Variants in AMZ1 observed in about 807,000 individuals in gnomAD.
AMZ1 encodes the protein archaelysin family metallopeptidase 1.
In AMZ1, 39 loss-of-function variants were observed where a neutral mutation model predicts 29.9. The observed-to-expected ratio is 1.30, with a 90% CI of 1.01 to 1.70. The LOEUF is 1.70. Among genes scored for constraint, AMZ1 ranks in the 40% most tolerant of loss-of-function variants. The probability of loss-of-function intolerance (pLI) is 0.00; values close to 1 mark genes in which losing one functional copy is unlikely to be tolerated. For synonymous variants in AMZ1, 458 were observed against 304.0 expected (o/e 1.51, Z -5.27); for missense variants, 1,041 against 680.6 (o/e 1.53, Z -5.89).
At chr7:2,738,283 TAA>T (rs34320599) in intron 4 of AMZ1, among the ~76,000 whole-genome samples, 78 of 142,810 alleles carry the variant, frequency 5.5e-4, no homozygotes, top group Middle Eastern at 3.5e-3. Flanking sequence ...AGGCTCCATC[TAA>T]AAAAAAAAAA....
chr7:2,742,646 C>G (rs1790567526), intron 4 of AMZ1, among the ~76,000 whole-genome samples: 1 of 152,184 alleles, frequency 6.6e-6, no homozygotes. Flanking sequence ...TCAATGTCTA[C>G]CCTCCCTGTC....
chr7:2,701,197 T>C (rs113588425), intron 2 of AMZ1, among the ~76,000 whole-genome samples: 4,635 of 152,008 alleles, frequency 0.03, 245 homozygotes, highest in African/African-American at 0.11. Flanking sequence ...TGCCACTGCA[T>C]TCCAGCCTGG....
chr7:2,744,169 G>C (rs1373927375), intron 4 of AMZ1, among the ~76,000 whole-genome samples: 4 of 152,222 alleles, frequency 2.6e-5, no homozygotes, highest in East Asian at 1.9e-4. Context: ...TTTGAAGAGA[G>C]TAGTGGTTCT....
At chr7:2,738,141 G>A (rs1790302200) in intron 4 of AMZ1, among the ~76,000 whole-genome samples, 1 of 152,142 alleles carries the variant, frequency 6.6e-6, no homozygotes, top group Non-Finnish European at 1.5e-5. Flanking sequence ...TAGGTAAGAG[G>A]ACCAGGCGTG....
chr7:2,727,826 G>A (rs1375428088), intron 4 of AMZ1, among the ~76,000 whole-genome samples: 1 of 151,772 alleles, frequency 6.6e-6, no homozygotes, highest in African/African-American at 2.4e-5. Flanking sequence ...GGGAGGCTGA[G>A]GTGGGCCGAT....
chr7:2,763,901 C>G (rs748284081), upstream of AMZ1, among the ~76,000 whole-genome samples: 2 of 152,228 alleles, frequency 1.3e-5, no homozygotes, highest in African/African-American at 2.4e-5. Flanking sequence ...CTCAGCTGAG[C>G]TGTTGCTTTA....
At chr7:2,721,749 CCA>C (rs1554252601), downstream of AMZ1, among the ~76,000 whole-genome samples, 1 of 150,616 alleles carries the variant, frequency 6.6e-6, no homozygotes, top group Non-Finnish European at 1.5e-5. Context: ...CGGGTGGGTG[CCA>C]CACTCAGGGG....
At chr7:2,721,730 AGAT>A (rs1789429839), downstream of AMZ1, among the ~76,000 whole-genome samples, 1 of 148,006 alleles carries the variant, frequency 6.8e-6, no homozygotes, top group Non-Finnish European at 1.5e-5. Context: ...AAAAAAAAAA[AGAT>A]AGCGGCGGGT....
chr7:2,758,562 CA>C (rs1437931045), intron 4 of AMZ1, among the ~76,000 whole-genome samples: 1 of 152,108 alleles, frequency 6.6e-6, no homozygotes. Context: ...TCAGCTAAGC[CA>C]AAGGGAGGTG....
chr7:2,695,130 G>C (rs10276582), intron 1 of AMZ1, among the ~76,000 whole-genome samples: 34,389 of 152,074 alleles, frequency 0.23, 4,058 homozygotes, highest in East Asian at 0.41. Context: ...CTCTGGCCCC[G>C]CTGCAAGACT....
chr7:2,743,048 A>G (rs994114517), intron 4 of AMZ1, among the ~76,000 whole-genome samples: 17 of 152,214 alleles, frequency 1.1e-4, no homozygotes, highest in African/African-American at 2.7e-4. Context: ...CAGGAGAACA[A>G]GAGGACAGAG....
rs1002906395 is a variant in AMZ1, at chr7:2,716,957, C to T, written c.*4079C>T. ...TTCTTGCTTGAACCCCGAGTTCTCC[C>T]GCTGTTGTGCAGCTTTCTAAAAGCA... is the stretch of plus-strand genomic sequence containing the variant. On this transcript the variant is annotated 3_prime_UTR_variant, in exon 7 of 7. Coordinates refer to ENST00000683327, the MANE Select transcript of AMZ1 (RefSeq NM_001384743.1). Among the ~76,000 whole-genome samples the T allele has an allele frequency of 2.6e-5, 4 of 152,178 alleles. No individual in the cohort carries two copies. The highest frequency in any genetic ancestry group is 9.7e-5 in the African/African-American group (4 of 41,448).
chr7:2,698,544 C>A (rs973438343), intron 1 of AMZ1, among the ~76,000 whole-genome samples: 2 of 151,342 alleles, frequency 1.3e-5, no homozygotes, highest in Non-Finnish European at 2.9e-5. Flanking sequence ...TCTAAAAAAA[C>A]AAAAAGAAGT....
intron 3 of AMZ1, among the ~76,000 whole-genome samples, chr7:2,708,153 T>C (rs541661451): frequency 6.6e-6 from 1 of 152,250 alleles, no homozygotes; most frequent in Admixed American, 6.5e-5. Flanking sequence ...GGCATCAGGC[T>C]CAGCTGGCTG....
At position 2,753,157 on chromosome 7, in the gene AMZ1, T is replaced by TC. The variant is rs574146940; in HGVS notation, n.551-11555_551-11554insC. Among the ~76,000 whole-genome samples, 34 of 151,938 alleles carry TC rather than the reference T, an allele frequency of 2.2e-4. No homozygotes were observed. The South Asian group carries it at 6.9e-3, about 31-fold the overall frequency. ...AGTGAAACCATACAGCATGCGGCTT[T>TC]TTTTTTTTAAAAAAAGAGACAGGGT... On this transcript the variant is annotated intron_variant and non_coding_transcript_variant, in intron 4 of 4. Coordinates refer to the AMZ1 transcript ENST00000489665.
At position 2,731,321 on chromosome 7, in the gene AMZ1, C is replaced by T. The variant is rs755401911; in HGVS notation, n.550+21505C>T. The stretch of plus-strand genomic sequence containing the variant: ...TTGCTGCGGTTCCGTCTCTTCCTGT[C>T]GAAGCACTGGACCAGGTAGCGCTGG... On this transcript the variant is annotated intron_variant and non_coding_transcript_variant, in intron 4 of 4. Coordinates refer to the AMZ1 transcript ENST00000489665. This position sits in a 1 kb window ranked among gnomAD's most constrained non-coding sequence, Gnocchi z 6.0. 5.6e-6 allele frequency: 9 copies of T among 1,613,838 alleles called. No homozygotes were observed. The highest frequency in any genetic ancestry group is 4.5e-5 in the East Asian group (2 of 44,864).
upstream of AMZ1, among the ~76,000 whole-genome samples, chr7:2,686,199 G>A (rs1206226121): frequency 6.6e-6 from 1 of 152,184 alleles, no homozygotes; most frequent in Non-Finnish European, 1.5e-5. Context: ...TGAAGTCACG[G>A]GCCGCCTGCA....
In AMZ1 at chr7:2,731,585, T is replaced by C. The variant is rs762077179; in HGVS notation, n.550+21769T>C. ...TCGCTGGAGGAGACCATGAACAGGA[T>C]GGACGTGATCCCGTCGAAGCACTGG... On this transcript the variant is annotated intron_variant and non_coding_transcript_variant, in intron 4 of 4. Transcript: ENST00000489665. The surrounding 1 kb of genome is among the most constrained non-coding windows in gnomAD (Gnocchi z 6.0). The C allele has an allele frequency of 2.5e-6, 4 of 1,613,732 alleles. No homozygotes were observed. Among genetic ancestry groups the C allele is most frequent in the South Asian group, 2.2e-5 (2 of 91,046 alleles).
At chr7:2,753,165 T>TA (rs869161467) in intron 4 of AMZ1, among the ~76,000 whole-genome samples, 178 of 147,186 alleles carry the variant, frequency 1.2e-3, no homozygotes, top group African/African-American at 3.9e-3. Flanking sequence ...TTTTTTTTTT[T>TA]AAAAAAAGAG....
Sources: allele counts gnomAD v4.1 joint callset (sites outside exome capture counted in the v4.1 genomes callset), GRCh38; gene constraint gnomAD v4.1.1; non-coding constraint Gnocchi (gnomAD v3.1); transcripts MANE v1.5; gene names NCBI Gene and HGNC (gene_info 2026-07-23, HGNC 2026-07-21).